The following LDB2 variants were observed in gnomAD, a reference collection of about 807,000 sequenced individuals.
LDB2 encodes the protein LIM domain binding 2, also known as LIM domain-binding protein 2.
A neutral mutation model predicts 44.3 loss-of-function variants in LDB2; 12 were observed. The ratio of observed to expected loss-of-function variants is 0.27; its 90% CI spans 0.17 to 0.44. The LOEUF is 0.44. LDB2 is among the 20% of genes least tolerant of loss of function. The probability of loss-of-function intolerance (pLI) is 1.00; values close to 1 mark genes in which losing one functional copy is unlikely to be tolerated. For synonymous variants in LDB2, 164 were observed against 174.8 expected, an observed-to-expected ratio of 0.94 and a Z score of 0.49; for missense variants, 344 against 473.5, an observed-to-expected ratio of 0.73 and a Z score of 2.54.
chr4:16,840,521 C>T (rs1168540020), intron 1 of LDB2, among the ~76,000 whole-genome samples: 2 of 152,140 alleles, frequency 1.3e-5, no homozygotes, highest in Non-Finnish European at 2.9e-5. Context: ...AAGGCCATAT[C>T]CACTGTGCGG....
At chr4:16,792,694 C>T (rs915884989) in intron 1 of LDB2, among the ~76,000 whole-genome samples, 2 of 152,190 alleles carry the variant, frequency 1.3e-5, no homozygotes, top group Admixed American at 6.5e-5. Flanking sequence ...TGCCATTCCT[C>T]CCAGTTATCC....
intron 5 of LDB2, among the ~76,000 whole-genome samples, chr4:16,521,691 T>C (rs1726150514): frequency 6.6e-6 from 1 of 152,196 alleles, no homozygotes; most frequent in Non-Finnish European, 1.5e-5. Flanking sequence ...CAGGTGACCC[T>C]ACACCTTCTG....
chr4:16,875,902 A>G (rs1443058367), intron 1 of LDB2, among the ~76,000 whole-genome samples: 1 of 152,192 alleles, frequency 6.6e-6, no homozygotes, highest in Non-Finnish European at 1.5e-5. Context: ...TTCCACTCCT[A>G]TTTGATTCTT....
At chr4:16,557,562 G>A (rs907496344) in intron 5 of LDB2, among the ~76,000 whole-genome samples, 1 of 152,244 alleles carries the variant, frequency 6.6e-6, no homozygotes, top group East Asian at 1.9e-4. Flanking sequence ...CAGCCGGGAA[G>A]CTCAAACTGG....
chr4:16,779,207 C>T (rs946636062), intron 1 of LDB2, among the ~76,000 whole-genome samples: 16 of 152,186 alleles, frequency 1.1e-4, no homozygotes, highest in South Asian at 4.1e-4. Flanking sequence ...ACTGGCAGGA[C>T]GCCTCACCGC....
intron 2 of LDB2, among the ~76,000 whole-genome samples, chr4:16,653,071 A>G (rs977481073): frequency 2.0e-5 from 3 of 152,182 alleles, no homozygotes; most frequent in Non-Finnish European, 4.4e-5. Context: ...AACAGTGTGA[A>G]AATGTGCTTG....
At chr4:16,787,036 C>T (rs1057507641) in intron 1 of LDB2, among the ~76,000 whole-genome samples, 8 of 152,106 alleles carry the variant, frequency 5.3e-5, no homozygotes, top group African/African-American at 1.9e-4. Flanking sequence ...TAAATAAAGT[C>T]AGTCACAAAA....
intron 1 of LDB2, among the ~76,000 whole-genome samples, chr4:16,897,980 A>ATG (rs1406108620): frequency 3.0e-5 from 4 of 132,786 alleles, no homozygotes; most frequent in Middle Eastern, 3.9e-3. Flanking sequence ...ATATACACAT[A>ATG]TGTATATATA....
At chr4:16,620,689 T>TC (rs1728628422) in intron 2 of LDB2, among the ~76,000 whole-genome samples, 1 of 152,192 alleles carries the variant, frequency 6.6e-6, no homozygotes, top group Non-Finnish European at 1.5e-5. Flanking sequence ...GCCAGCCCCT[T>TC]CCCTTCCTCT....
In LDB2 at chr4:16,577,340, C is replaced by T. The variant is rs1334989618; in HGVS notation, c.615+8582G>A. Among the ~76,000 whole-genome samples, 4 of 152,054 alleles carry T rather than the reference C, an allele frequency of 2.6e-5. No homozygotes were observed. The East Asian group carries it at 7.7e-4, about 29-fold the overall frequency. ...TATTTGGAAAAACTTAAAGACTCCA[C>T]CAAAAAACTATTAGAACTGATAAAC... On this transcript the variant is annotated intron_variant, in intron 5 of 7. Coordinates refer to ENST00000304523, the MANE Select transcript of LDB2 (RefSeq NM_001290.5).
chr4:16,860,820 A>C (rs1016042991), intron 1 of LDB2, among the ~76,000 whole-genome samples: 2 of 152,244 alleles, frequency 1.3e-5, no homozygotes, highest in Non-Finnish European at 2.9e-5. Context: ...ATATCCAGCA[A>C]TACTGTGACC....
intron 2 of LDB2, among the ~76,000 whole-genome samples, chr4:16,714,056 G>T (rs1180772065): frequency 1.3e-5 from 2 of 152,146 alleles, no homozygotes; most frequent in Non-Finnish European, 2.9e-5. Context: ...GCTTCCTTCT[G>T]ACAAGTAGCC....
chr4:16,714,714 C>T (rs572338792), intron 2 of LDB2, among the ~76,000 whole-genome samples: 1 of 152,240 alleles, frequency 6.6e-6, no homozygotes, highest in South Asian at 2.1e-4. Flanking sequence ...TCTGGAAGTT[C>T]TGAGAGAGCA....
At chr4:16,506,966 G>A in intron 7 of LDB2, 1 of 152,176 alleles carries the variant, frequency 6.6e-6, no homozygotes, top group East Asian at 1.9e-4. Context: ...ATTGGATAAA[G>A]AAATGGGCTC....
At chr4:16,800,363 A>C (rs1777561832) in intron 1 of LDB2, among the ~76,000 whole-genome samples, 1 of 152,214 alleles carries the variant, frequency 6.6e-6, no homozygotes, top group African/African-American at 2.4e-5. Context: ...TCTGTTTATA[A>C]ACCTATTTCA....
intron 2 of LDB2, among the ~76,000 whole-genome samples, chr4:16,735,865 C>T (rs552014890): frequency 2.6e-5 from 4 of 152,230 alleles, no homozygotes; most frequent in South Asian, 2.1e-4. Context: ...TGTCATAGAC[C>T]GGAAGTCGCT....
At chr4:16,551,806 C>A (rs916569288) in intron 5 of LDB2, among the ~76,000 whole-genome samples, 2 of 152,128 alleles carry the variant, frequency 1.3e-5, no homozygotes, top group African/African-American at 4.8e-5. Flanking sequence ...TGTGAGCCGC[C>A]GCACCCGACC....
intron 2 of LDB2, among the ~76,000 whole-genome samples, chr4:16,676,826 T>C (rs1746452099): frequency 6.6e-6 from 1 of 151,500 alleles, no homozygotes; most frequent in Non-Finnish European, 1.5e-5. Flanking sequence ...CAAGGAAGAG[T>C]TCTGGACAAG....
At chr4:16,836,457 C>T (rs1339551444) in intron 1 of LDB2, among the ~76,000 whole-genome samples, 1 of 152,140 alleles carries the variant, frequency 6.6e-6, no homozygotes. Flanking sequence ...GCAAATTTAC[C>T]TCCTCTACCT....
Sources: allele counts gnomAD v4.1 joint callset (sites outside exome capture counted in the v4.1 genomes callset), GRCh38; gene constraint gnomAD v4.1.1; transcripts MANE v1.5; gene names NCBI Gene and HGNC (gene_info 2026-07-23, HGNC 2026-07-21).